The following HERC2 variants were observed in gnomAD, a reference collection of about 807,000 sequenced individuals.
The protein encoded by HERC2 is HECT and RLD domain containing E3 ubiquitin protein ligase 2.
A neutral mutation model predicts 537.7 loss-of-function variants in HERC2; 102 were observed. The observed-to-expected ratio is 0.19, with a 90% CI of 0.16 to 0.22. The LOEUF (loss-of-function observed/expected upper bound fraction) is 0.22, where lower values mean the gene tolerates loss of function less well. Ranked by LOEUF, HERC2 falls within the 10% of genes least tolerant of loss-of-function variation. The probability of loss-of-function intolerance (pLI) is 1.00; values close to 1 mark genes in which losing one functional copy is unlikely to be tolerated. For missense variants in HERC2, 4,236 were observed against 6,198.2 expected, an observed-to-expected ratio of 0.68 and a Z score of 10.63; for synonymous variants, 2,224 against 2,466.2, an observed-to-expected ratio of 0.90 and a Z score of 2.91.
chr15:28,270,222 G>A (rs2075681655), intron 10 of HERC2, among the ~76,000 whole-genome samples: 1 of 151,528 alleles, frequency 6.6e-6, no homozygotes, highest in Non-Finnish European at 1.5e-5. Context: ...TAGATAGATA[G>A]AACCCACTCT....
chr15:28,263,305 C>G, intron 14 of HERC2, 136 bp from the exon 15 acceptor site: 1 of 898,146 alleles, frequency 1.1e-6, no homozygotes. Flanking sequence ...ACAAGGGTGG[C>G]TACTGAGCAA....
At chr15:28,282,947 G>A (rs2076059484) in intron 4 of HERC2, among the ~76,000 whole-genome samples, 1 of 147,528 alleles carries the variant, frequency 6.8e-6, no homozygotes, top group Non-Finnish European at 1.5e-5. Flanking sequence ...GGGACGGGAA[G>A]GGATGGGAAG....
At chr15:28,128,656 C>T (rs1377605455) in intron 83 of HERC2, among the ~76,000 whole-genome samples, 2 of 152,182 alleles carry the variant, frequency 1.3e-5, no homozygotes, top group Non-Finnish European at 2.9e-5. Context: ...TGAAAGATGG[C>T]GCCCACGTTT....
chr15:28,228,440 T>G (rs772737430), intron 34 of HERC2, 31 bp from the exon 35 acceptor site: 1 of 1,596,296 alleles, frequency 6.3e-7, no homozygotes, highest in Non-Finnish European at 8.6e-7. Flanking sequence ...CTGACATTTC[T>G]TGTGATGGAT....
At chr15:28,261,174 C>T (rs1484886333) in intron 15 of HERC2, among the ~76,000 whole-genome samples, 1 of 152,076 alleles carries the variant, frequency 6.6e-6, no homozygotes, top group African/African-American at 2.4e-5. Context: ...TTCGTTAGGA[C>T]CCACAGTCTA....
At chr15:28,151,720 T>C (rs1206965732) in intron 70 of HERC2, among the ~76,000 whole-genome samples, 2 of 150,514 alleles carry the variant, frequency 1.3e-5, no homozygotes, top group Admixed American at 1.3e-4. Flanking sequence ...ATAATAACAA[T>C]AGAGTAAAAC....
In HERC2 at chr15:28,191,145, C is replaced by T. The variant is rs928760889; in HGVS notation, c.8551G>A (p.Val2851Met). ...DSSYMPSLVV[V>M]SGGNSLNNLI... ...GGTAAACTAACTGAATTACCTGACA[C>T]TACAACCAGGGACGGCATGTAGCTA... The change falls in exon 54 of 93, where the codon GTG becomes ATG. Residue 2851 changes from valine (V) to methionine (M), a missense_variant. Val to Met is a conservative substitution (Grantham distance 21). Transcript: ENST00000261609. The T allele has an allele frequency of 2.5e-6, 4 of 1,611,230 alleles. No homozygotes were observed. Among genetic ancestry groups the T allele is most frequent in the Non-Finnish European group, 3.4e-6 (4 of 1,177,380 alleles).
intron 83 of HERC2, among the ~76,000 whole-genome samples, chr15:28,127,493 A>C (rs1173499404): frequency 6.6e-6 from 1 of 152,238 alleles, no homozygotes; most frequent in Non-Finnish European, 1.5e-5. Context: ...CACAGTTTTC[A>C]ACAGACATCA....
At chr15:28,295,617 C>T (rs1157620737) in intron 3 of HERC2, among the ~76,000 whole-genome samples, 4 of 152,032 alleles carry the variant, frequency 2.6e-5, no homozygotes, top group Admixed American at 1.3e-4. Flanking sequence ...AGGCTGGTCT[C>T]GAACTCCTGA....
intron 38 of HERC2, among the ~76,000 whole-genome samples, chr15:28,217,043 TCA>T (rs1899991939): frequency 6.6e-6 from 1 of 152,106 alleles, no homozygotes; most frequent in Non-Finnish European, 1.5e-5. Context: ...TCACTCGTGC[TCA>T]CACTGACACA....
In HERC2 at chr15:28,265,758, T is replaced by C; in HGVS notation, c.1757-27A>G. 1 of 1,613,792 alleles carries C rather than the reference T, an allele frequency of 6.2e-7. No individual in the cohort carries two copies. The highest frequency in any genetic ancestry group is 8.5e-7 in the Non-Finnish European group (1 of 1,179,728). The stretch of plus-strand genomic sequence containing the variant: ...TTCAAACAGATAGGACGGCGGTTAC[T>C]AAGTCCTGTAAGAGGCCACCTCCTG... On this transcript the variant is annotated intron_variant, in intron 13 of 92. Coordinates refer to ENST00000261609, the MANE Select transcript of HERC2 (RefSeq NM_004667.6). This position sits in a 1 kb window ranked among gnomAD's most constrained non-coding sequence, Gnocchi z 4.0.
intron 43 of HERC2, 36 bp downstream of exon 43, chr15:28,212,409 C>T (rs76169039): frequency 0.048 from 72,508 of 1,524,612 alleles, 7,278 homozygotes; most frequent in East Asian, 0.4. Context: ...GAGTTTAAGA[C>T]GGCAGCTATT....
chr15:28,279,850 T>C (rs1189769327), intron 5 of HERC2, among the ~76,000 whole-genome samples: 1 of 151,940 alleles, frequency 6.6e-6, no homozygotes, highest in Admixed American at 6.6e-5. Flanking sequence ...TTGAATAAAA[T>C]AAAATAATGG....
At position 28,113,704 on chromosome 15, in the gene HERC2, T is replaced by C; in HGVS notation, c.13914-26A>G. The C allele has an allele frequency of 6.3e-7, 1 of 1,583,356 alleles. No homozygotes were observed. Among genetic ancestry groups the C allele is most frequent in the Non-Finnish European group, 8.7e-7 (1 of 1,152,916 alleles). On this transcript the variant is annotated intron_variant, in intron 90 of 92. Coordinates refer to ENST00000261609, the MANE Select transcript of HERC2 (RefSeq NM_004667.6). This position sits in a 1 kb window ranked among gnomAD's most constrained non-coding sequence, Gnocchi z 7.0. ...CTGGAAGAAAAAGCTCACTTTACACTTCTGTCTTCAGTGACACTGACTTTA... is the reference window on the plus strand; with the variant it reads ...CTGGAAGAAAAAGCTCACTTTACACCTCTGTCTTCAGTGACACTGACTTTA...
intron 2 of HERC2, among the ~76,000 whole-genome samples, chr15:28,316,559 T>C (rs1445220221): frequency 6.6e-6 from 1 of 152,214 alleles, no homozygotes; most frequent in South Asian, 2.1e-4. Context: ...TTTTTTATCA[T>C]GGAATTTTGA....
chr15:28,265,736 A>T lies in HERC2; in HGVS notation c.1757-5T>A. 1.2e-6 allele frequency: 2 copies of T among 1,614,082 alleles called. No homozygotes were observed. Among genetic ancestry groups the T allele is most frequent in the Non-Finnish European group, 1.7e-6 (2 of 1,179,978 alleles). On this transcript the variant is annotated splice_polypyrimidine_tract_variant and splice_region_variant and intron_variant, in intron 13 of 92. Transcript: ENST00000261609. The surrounding 1 kb of genome is among the most constrained non-coding windows in gnomAD (Gnocchi z 4.0). ...TGGCCTCGTCCTCACTGGAGCCTTCAAACAGATAGGACGGCGGTTACTAAG... is the reference window on the plus strand; with the variant it reads ...TGGCCTCGTCCTCACTGGAGCCTTCTAACAGATAGGACGGCGGTTACTAAG...
chr15:28,129,870 G>A (rs377243338), intron 83 of HERC2, among the ~76,000 whole-genome samples: 5 of 148,160 alleles, frequency 3.4e-5, no homozygotes, highest in East Asian at 2.0e-4. Flanking sequence ...TCCACCTCCC[G>A]GGTTCAAGTG....
intron 4 of HERC2, among the ~76,000 whole-genome samples, chr15:28,289,412 C>T (rs1467505639): frequency 1.4e-5 from 2 of 143,818 alleles, no homozygotes; most frequent in Non-Finnish European, 3.1e-5. Flanking sequence ...ATAACATTCT[C>T]AAATACATGA....
In HERC2 at chr15:28,192,054, CACCATG is replaced by C; in HGVS notation, c.8352_8357del (p.Met2785_Val2786del). The C allele has an allele frequency of 6.2e-7, 1 of 1,614,104 alleles. No individual in the cohort carries two copies. The highest frequency in any genetic ancestry group is 8.5e-7 in the Non-Finnish European group (1 of 1,180,034). On this transcript the variant is annotated inframe_deletion, in exon 53 of 93. Transcript: ENST00000261609. ...CGGAGGACGACACATTCAGGCTCTTCACCATGCGGGACCAGCTGTCCAGCAGCATGC... is the reference window on the plus strand; with the variant it reads ...CGGAGGACGACACATTCAGGCTCTTCCGGGACCAGCTGTCCAGCAGCATGC...
Sources: allele counts gnomAD v4.1 joint callset (sites outside exome capture counted in the v4.1 genomes callset), GRCh38; gene constraint gnomAD v4.1.1; non-coding constraint Gnocchi (gnomAD v3.1); transcripts MANE v1.5; gene names NCBI Gene and HGNC (gene_info 2026-07-23, HGNC 2026-07-21).